Variants in MAPKAP1 observed in about 807,000 individuals in gnomAD.
MAPKAP1 encodes target of rapamycin complex 2 subunit MAPKAP1.
MAPKAP1 carries 20 observed loss-of-function variants against 65.7 expected under a neutral mutation model. The ratio of observed to expected loss-of-function variants is 0.30; its 90% confidence interval spans 0.21 to 0.44. MAPKAP1 has a LOEUF of 0.44. MAPKAP1 is among the 20% of genes least tolerant of loss of function. MAPKAP1 has a pLI of 1.00. For missense variants in MAPKAP1, 423 were observed against 648.0 expected, an observed-to-expected ratio of 0.65 and a Z score of 3.77; for synonymous variants, 222 against 244.3, an observed-to-expected ratio of 0.91 and a Z score of 0.85.
chr9:125,592,336 A>G (rs1304084512), intron 4 of MAPKAP1, among the ~76,000 whole-genome samples: 3 of 152,184 alleles, frequency 2.0e-5, no homozygotes, highest in Admixed American at 2.0e-4. Flanking sequence ...GTATTTACCT[A>G]CTATACCAAT....
intron 8 of MAPKAP1, among the ~76,000 whole-genome samples, chr9:125,505,529 T>C (rs188376601): frequency 6.6e-6 from 1 of 152,056 alleles, no homozygotes; most frequent in East Asian, 1.9e-4. Context: ...GGAGAAAAAG[T>C]AGTATGCGGT....
intron 4 of MAPKAP1, among the ~76,000 whole-genome samples, chr9:125,597,264 C>CAAAAAAAAAAAAAA (rs35917056): frequency 1.9e-5 from 1 of 52,656 alleles, no homozygotes; most frequent in African/African-American, 9.0e-5. Flanking sequence ...GACTCCGTCT[C>CAAAAAAAAAAAAAA]AAAAAAAAAA....
chr9:125,516,047 C>A (rs992377556), intron 7 of MAPKAP1, among the ~76,000 whole-genome samples: 2 of 152,038 alleles, frequency 1.3e-5, no homozygotes, highest in Non-Finnish European at 2.9e-5. Context: ...CTAAAAATAA[C>A]CTAAGGTTCA....
At chr9:125,499,391 T>G (rs962250084) in intron 8 of MAPKAP1, among the ~76,000 whole-genome samples, 8 of 152,234 alleles carry the variant, frequency 5.3e-5, no homozygotes, top group Non-Finnish European at 1.0e-4. Flanking sequence ...TAAAAGCCTT[T>G]AAAATAATAA....
At chr9:125,646,858 A>C (rs563605036) in intron 4 of MAPKAP1, among the ~76,000 whole-genome samples, 4 of 152,380 alleles carry the variant, frequency 2.6e-5, no homozygotes, top group African/African-American at 9.6e-5. Flanking sequence ...ATTTTATCAC[A>C]GCTATTGCTA....
At chr9:125,478,349 A>G (rs532287285) in intron 9 of MAPKAP1, among the ~76,000 whole-genome samples, 2 of 152,080 alleles carry the variant, frequency 1.3e-5, no homozygotes, top group South Asian at 4.1e-4. Flanking sequence ...AAATTTAGAG[A>G]CAGGGTCTTG....
chr9:125,607,553 G>C (rs1449321426), intron 4 of MAPKAP1, among the ~76,000 whole-genome samples: 1 of 152,224 alleles, frequency 6.6e-6, no homozygotes, highest in Non-Finnish European at 1.5e-5. Flanking sequence ...GTGAAGCGAG[G>C]ATGCTAACTG....
chr9:125,508,411 G>A (rs1426954058), intron 7 of MAPKAP1, among the ~76,000 whole-genome samples: 1 of 152,144 alleles, frequency 6.6e-6, no homozygotes, highest in Non-Finnish European at 1.5e-5. Flanking sequence ...TGAACCTGGA[G>A]GGCTGCTTTC....
chr9:125,533,043 G>A (rs1829976420), intron 7 of MAPKAP1, among the ~76,000 whole-genome samples: 1 of 152,204 alleles, frequency 6.6e-6, no homozygotes. Flanking sequence ...AAGTGAAGCT[G>A]TGTGGCTTGG....
chr9:125,557,754 G>C (rs770397941), intron 6 of MAPKAP1, among the ~76,000 whole-genome samples: 3 of 151,990 alleles, frequency 2.0e-5, no homozygotes, highest in African/African-American at 7.2e-5. Context: ...TTTGACAACT[G>C]TCTCACTACT....
rs79851329 is a variant in MAPKAP1, at chr9:125,539,109, C to G, written c.958+3950G>C. On this transcript the variant is annotated intron_variant, in intron 7 of 11. Transcript: ENST00000265960. ...GCAAGCAATAAGGTGCTCTGTAATT[C>G]TAAACAGATATAGAGTTAGGAGGGA... Among the ~76,000 whole-genome samples the G allele has an allele frequency of 0.018, 2,671 of 152,274 alleles. 142 individuals are homozygous for G. In the East Asian group the frequency reaches 0.21, roughly 12 times the overall value.
At chr9:125,667,692 G>T (rs1834380503) in intron 3 of MAPKAP1, among the ~76,000 whole-genome samples, 1 of 152,140 alleles carries the variant, frequency 6.6e-6, no homozygotes, top group South Asian at 2.1e-4. Context: ...GATTACAGGT[G>T]TGAGCCACAG....
chr9:125,699,555 C>CATG (rs2131877105), intron 1 of MAPKAP1, among the ~76,000 whole-genome samples: 1 of 152,192 alleles, frequency 6.6e-6, no homozygotes, highest in South Asian at 2.1e-4. Flanking sequence ...CAACCTGTCA[C>CATG]ATGAGGTCAG....
intron 1 of MAPKAP1, among the ~76,000 whole-genome samples, chr9:125,673,606 C>T (rs1038856751): frequency 6.6e-6 from 1 of 152,044 alleles, no homozygotes; most frequent in African/African-American, 2.4e-5. Context: ...ATTATAAAAA[C>T]TGCTTCCTCA....
At chr9:125,490,940 C>A (rs751593358) in intron 8 of MAPKAP1, among the ~76,000 whole-genome samples, 6 of 152,128 alleles carry the variant, frequency 3.9e-5, no homozygotes, top group South Asian at 2.1e-4. Context: ...GAATTTGAGA[C>A]CACCCTGGCC....
intron 4 of MAPKAP1, among the ~76,000 whole-genome samples, chr9:125,606,521 T>TA (rs1470128576): frequency 6.6e-6 from 1 of 152,188 alleles, no homozygotes; most frequent in African/African-American, 2.4e-5. Flanking sequence ...TTTTAGCCCC[T>TA]ATCTTCAATA....
chr9:125,575,793 A>T (rs1352173479), intron 5 of MAPKAP1, among the ~76,000 whole-genome samples: 1 of 152,206 alleles, frequency 6.6e-6, no homozygotes, highest in Admixed American at 6.5e-5. Context: ...ACAGTTTGGC[A>T]GTGTCTTATA....
intron 7 of MAPKAP1, among the ~76,000 whole-genome samples, chr9:125,532,959 G>A (rs72769107): frequency 0.099 from 15,140 of 152,232 alleles, 1,049 homozygotes; most frequent in Middle Eastern, 0.2. Context: ...TTAAAGTCTG[G>A]TAAATTATTA....
intron 1 of MAPKAP1, among the ~76,000 whole-genome samples, chr9:125,686,568 G>A (rs1057298959): frequency 8.5e-5 from 13 of 152,092 alleles, no homozygotes; most frequent in Admixed American, 2.0e-4. Flanking sequence ...AAAGGAGGAT[G>A]TGACTGGGAG....
Sources: gnomAD v4.1 joint callset for allele counts (sites outside exome capture counted in the v4.1 genomes callset) on GRCh38, gnomAD v4.1.1 for gene constraint, MANE v1.5 for transcripts, NCBI Gene and HGNC (gene_info 2026-07-23, HGNC 2026-07-21) for gene names.